SIRPD: variants seen among roughly 807,000 people sequenced by gnomAD.
SIRPD encodes signal-regulatory protein delta.
In SIRPD, 21 loss-of-function variants were observed where a neutral mutation model predicts 18.0. The observed-to-expected ratio is 1.17, with a 90% CI of 0.83 to 1.68. The LOEUF (loss-of-function observed/expected upper bound fraction) is 1.68, where lower values mean the gene tolerates loss of function less well. SIRPD is among the 40% of genes most tolerant of loss of function. The probability of loss-of-function intolerance (pLI) is 0.00; values close to 1 mark genes in which losing one functional copy is unlikely to be tolerated. For synonymous variants in SIRPD, 106 were observed against 92.9 expected, an observed-to-expected ratio of 1.14 and a Z score of -0.81; for missense variants, 295 against 238.4, an observed-to-expected ratio of 1.24 and a Z score of -1.56.
Position 1,537,165 on chromosome 20 carries a change from C to T in SIRPD, c.567G>A (p.Leu189=), listed in dbSNP as rs995434572. 2 of 1,613,850 alleles carry T rather than the reference C, an allele frequency of 1.2e-6. No homozygotes were observed. Among genetic ancestry groups the T allele is most frequent in the South Asian group, 1.1e-5 (1 of 91,060 alleles). Residue 189 remains leucine (L), a synonymous_variant, in exon 3 of 4, where the codon CTG becomes CTA. Transcript: ENST00000381623. Reference sequence around the variant, plus strand: ...GGTGGGGGCACTCACCTGTGAGTCCCAGCAGCCGGAGGCAGCAGCAGGGTT... The same window carrying T: ...GGTGGGGGCACTCACCTGTGAGTCCTAGCAGCCGGAGGCAGCAGCAGGGTT... The part of the protein sequence containing the change: ...FVQPCCCLRL[L]GLTGLLSK
At chr20:1,548,701 T>G (rs1279361354) in intron 2 of SIRPD, among the ~76,000 whole-genome samples, 1 of 152,158 alleles carries the variant, frequency 6.6e-6, no homozygotes, top group African/African-American at 2.4e-5. Flanking sequence ...TTTTTATGTC[T>G]TCTAGGAGTT....
chr20:1,537,451 T>G (rs560788064), intron 2 of SIRPD, 141 bp from the exon 3 acceptor site: 1 of 1,027,102 alleles, frequency 9.7e-7, no homozygotes, highest in Middle Eastern at 2.3e-4. Context: ...GTTACTGATA[T>G]AAGGGTCCCA....
chr20:1,535,423 T>G (rs1307176410), intron 3 of SIRPD, among the ~76,000 whole-genome samples: 2 of 152,046 alleles, frequency 1.3e-5, no homozygotes, highest in Non-Finnish European at 2.9e-5. Context: ...CTTTAAGAGG[T>G]GATTGGGTCA....
At chr20:1,540,259 G>A (rs1387961120) in intron 2 of SIRPD, 1 of 455,868 alleles carries the variant, frequency 2.2e-6, no homozygotes, top group South Asian at 1.5e-5. Context: ...ACCTCCAGAA[G>A]GAGCAGTTCT....
At chr20:1,541,158 T>C (rs913337879) in intron 2 of SIRPD, among the ~76,000 whole-genome samples, 1 of 152,238 alleles carries the variant, frequency 6.6e-6, no homozygotes, top group South Asian at 2.1e-4. Context: ...TACCCAGTAA[T>C]GGGATTGCTG....
intron 1 of SIRPD, 57 bp downstream of exon 1, chr20:1,557,524 T>A: frequency 1.4e-6 from 2 of 1,384,982 alleles, no homozygotes; most frequent in Non-Finnish European, 1.9e-6. Context: ...GAGGGAGAGT[T>A]CACTAAACAG....
intron 2 of SIRPD, among the ~76,000 whole-genome samples, chr20:1,539,305 A>G (rs1308581705): frequency 6.6e-6 from 1 of 152,154 alleles, no homozygotes; most frequent in African/African-American, 2.4e-5. Context: ...CTTTTTGTAA[A>G]TATTTATAGT....
intron 2 of SIRPD, among the ~76,000 whole-genome samples, chr20:1,547,924 T>C (rs1002428532): frequency 2.6e-5 from 4 of 152,238 alleles, no homozygotes; most frequent in Non-Finnish European, 5.9e-5. Context: ...GATTTTTGTA[T>C]ATTGAACTGT....
At chr20:1,546,178 C>T (rs1178708878) in intron 2 of SIRPD, among the ~76,000 whole-genome samples, 11 of 152,188 alleles carry the variant, frequency 7.2e-5, no homozygotes, top group African/African-American at 1.2e-4. Flanking sequence ...TCTTCAGAGC[C>T]GGCAGGCAGG....
In SIRPD at chr20:1,537,244, G is replaced by A; in HGVS notation, c.488C>T (p.Ala163Val). Residue 163 changes from alanine to valine, a missense_variant, in exon 3 of 4, where the codon GCC becomes GTC. Coordinates refer to ENST00000381623, the MANE Select transcript of SIRPD (RefSeq NM_178460.3). ...GRAGSRAHHD[A>V]HTCLSALPER... ...AGGCAGGGCCGAGAGGCAGGTATGG[G>A]CATCATGGTGGGCCCTGGAGCCTGC... 2.5e-6 allele frequency: 4 copies of A among 1,614,144 alleles called. No individual in the cohort carries two copies. Among genetic ancestry groups the A allele is most frequent in the Non-Finnish European group, 2.5e-6 (3 of 1,180,004 alleles).
intron 2 of SIRPD, among the ~76,000 whole-genome samples, chr20:1,550,219 T>C (rs750067049): frequency 1.1e-4 from 17 of 152,210 alleles, no homozygotes; most frequent in Non-Finnish European, 2.4e-4. Flanking sequence ...ACATATTTTG[T>C]TTTCAACCTG....
chr20:1,545,279 A>T (rs1336176511), intron 2 of SIRPD, among the ~76,000 whole-genome samples: 1 of 152,148 alleles, frequency 6.6e-6, no homozygotes, highest in African/African-American at 2.4e-5. Flanking sequence ...TCTTTTCAAC[A>T]TAGTCCCATA....
At chr20:1,548,276 C>T (rs1018581464) in intron 2 of SIRPD, among the ~76,000 whole-genome samples, 6 of 151,990 alleles carry the variant, frequency 3.9e-5, no homozygotes, top group Non-Finnish European at 2.9e-5. Context: ...TGATAAAGTT[C>T]CCTACTATTC....
Position 1,534,456 on chromosome 20 carries a change from A to C in SIRPD, c.578-15T>G, listed in dbSNP as rs764113720. On this transcript the variant is annotated splice_polypyrimidine_tract_variant and intron_variant, in intron 3 of 3. Coordinates refer to ENST00000381623, the MANE Select transcript of SIRPD (RefSeq NM_178460.3). ...TGACAGCAAGCCTGAAATACAATAA[A>C]AATAAAATAAAATAAAACATTTCTC... 9.4e-6 allele frequency: 15 copies of C among 1,599,666 alleles called. No homozygotes were observed. The Middle Eastern group carries it at 5.3e-4, about 57-fold the overall frequency.
At chr20:1,536,337 GAGT>G (rs2090945117) in intron 3 of SIRPD, among the ~76,000 whole-genome samples, 1 of 151,132 alleles carries the variant, frequency 6.6e-6, no homozygotes, top group Non-Finnish European at 1.5e-5. Context: ...CAGAGAAGTT[GAGT>G]AACTTATCCA....
intron 1 of SIRPD, among the ~76,000 whole-genome samples, chr20:1,552,451 C>T (rs1002173681): frequency 6.6e-6 from 1 of 152,184 alleles, no homozygotes; most frequent in African/African-American, 2.4e-5. Context: ...GCCTTCCTCT[C>T]TCCTCTGAAG....
intron 1 of SIRPD, among the ~76,000 whole-genome samples, chr20:1,553,655 C>T (rs944077332): frequency 6.6e-6 from 1 of 152,150 alleles, no homozygotes; most frequent in Admixed American, 6.5e-5. Context: ...TGTAGTTGCA[C>T]CTTGCATATC....
chr20:1,541,456 A>G (rs2090970907), intron 2 of SIRPD, among the ~76,000 whole-genome samples: 1 of 152,174 alleles, frequency 6.6e-6, no homozygotes, highest in African/African-American at 2.4e-5. Context: ...GTGTCTGCTC[A>G]TATCCTTCGC....
chr20:1,538,307 C>T (rs902851551), intron 2 of SIRPD, among the ~76,000 whole-genome samples: 3 of 152,174 alleles, frequency 2.0e-5, no homozygotes, highest in African/African-American at 7.2e-5. Flanking sequence ...GTGTCCCTCT[C>T]CCCTCGACAC....
Sources: gnomAD v4.1 joint callset for allele counts (sites outside exome capture counted in the v4.1 genomes callset) on GRCh38, gnomAD v4.1.1 for gene constraint, MANE v1.5 for transcripts, NCBI Gene and HGNC (gene_info 2026-07-23, HGNC 2026-07-21) for gene names.